KMT2C: variants seen among roughly 807,000 people sequenced by gnomAD.
KMT2C encodes the protein histone-lysine N-methyltransferase 2C.
Under a neutral mutation model 507.9 loss-of-function variants are expected in KMT2C, and 88 were observed. The ratio of observed to expected loss-of-function variants is 0.17; its 90% CI spans 0.15 to 0.21. KMT2C has a LOEUF of 0.21. KMT2C is among the 10% of genes least tolerant of loss of function. The probability of loss-of-function intolerance (pLI) is 1.00; values close to 1 mark genes in which losing one functional copy is unlikely to be tolerated. For missense variants in KMT2C, 4,954 were observed against 5,957.8 expected (o/e 0.83, Z 5.55); for synonymous variants, 2,049 against 2,080.8 (o/e 0.98, Z 0.42).
chr7:152,302,900 T>C (rs1003324267), intron 6 of KMT2C, among the ~76,000 whole-genome samples: 5 of 152,090 alleles, frequency 3.3e-5, no homozygotes, highest in African/African-American at 1.2e-4. Flanking sequence ...CGCCTCAGCC[T>C]CCCAAAGTGC....
chr7:152,157,903 A>G (rs2092176629), intron 44 of KMT2C: 2 of 1,337,316 alleles, frequency 1.5e-6, no homozygotes, highest in Non-Finnish European at 2.0e-6. Flanking sequence ...GATTGGTTCC[A>G]TTAGAGGGAG....
chr7:152,217,451 T>C (rs1193964063), intron 23 of KMT2C, among the ~76,000 whole-genome samples: 2 of 152,196 alleles, frequency 1.3e-5, no homozygotes, highest in African/African-American at 4.8e-5. Flanking sequence ...ATTTTATCCC[T>C]AGGAATGTAC....
chr7:152,426,517 G>A (rs1248753946), intron 1 of KMT2C, among the ~76,000 whole-genome samples: 1 of 152,078 alleles, frequency 6.6e-6, no homozygotes, highest in African/African-American at 2.4e-5. Context: ...GATTACAGGT[G>A]TGAGCCAACA....
chr7:152,417,952 A>T (rs1294255026), intron 1 of KMT2C, among the ~76,000 whole-genome samples: 18 of 82,170 alleles, frequency 2.2e-4, no homozygotes, highest in African/African-American at 5.5e-4. Context: ...TCTTTCTTTT[A>T]AAAAAAAAAA....
At chr7:152,187,556 C>G in intron 32 of KMT2C, 80 bp from the exon 33 acceptor site, 5 of 1,432,272 alleles carry the variant, frequency 3.5e-6, no homozygotes, top group Non-Finnish European at 4.8e-6. Flanking sequence ...TTCATTAAAA[C>G]CTATTACAAA....
intron 1 of KMT2C, among the ~76,000 whole-genome samples, chr7:152,425,739 G>A (rs746934405): frequency 9.2e-5 from 14 of 151,898 alleles, no homozygotes; most frequent in Non-Finnish European, 1.8e-4. Context: ...CCAAAGATCA[G>A]GAAATCAAGG....
chr7:152,243,166 A>G (rs2095415113), intron 14 of KMT2C, among the ~76,000 whole-genome samples: 1 of 152,242 alleles, frequency 6.6e-6, no homozygotes, highest in South Asian at 2.1e-4. Flanking sequence ...TCCTGTTTTG[A>G]TAACTACAGA....
In KMT2C at chr7:152,163,476, T is replaced by C; in HGVS notation, c.10101A>G (p.Pro3367=). The C allele has an allele frequency of 6.2e-7, 1 of 1,614,176 alleles. No individual in the cohort carries two copies. Among genetic ancestry groups the C allele is most frequent in the Non-Finnish European group, 8.5e-7 (1 of 1,180,016 alleles). The change falls in exon 43 of 59, where the codon CCA becomes CCG. Residue 3367 remains proline, a synonymous_variant. Transcript: ENST00000262189. ...GTGGATTTGCATTTGAGACTGTCCC[T>C]GGGGCTGGTGTACAAGTTTTTATTG... is the stretch of plus-strand genomic sequence containing the variant. ...QLPIKTCTPA[P]GTVSNANPQS...
chr7:152,319,813 GCTCTCC>G (rs908987490), intron 3 of KMT2C, among the ~76,000 whole-genome samples: 30 of 152,212 alleles, frequency 2.0e-4, no homozygotes, highest in African/African-American at 3.4e-4. Context: ...AATGGCATAA[GCTCTCC>G]CTCTCCCTCT....
chr7:152,222,092 T>TA, intron 21 of KMT2C, 26 bp from the exon 22 acceptor site: 1 of 1,534,362 alleles, frequency 6.5e-7, no homozygotes, highest in Non-Finnish European at 8.8e-7. Flanking sequence ...AAAATCCAGG[T>TA]AATTCTTTTC....
At chr7:152,263,805 T>C (rs1420701229) in intron 8 of KMT2C, among the ~76,000 whole-genome samples, 3 of 152,168 alleles carry the variant, frequency 2.0e-5, no homozygotes, top group Admixed American at 6.5e-5. Context: ...CCCCCAAAGA[T>C]TGGGCCCCTG....
At chr7:152,339,149 T>G (rs972955271) in intron 2 of KMT2C, among the ~76,000 whole-genome samples, 1 of 152,212 alleles carries the variant, frequency 6.6e-6, no homozygotes, top group African/African-American at 2.4e-5. Flanking sequence ...ATCAATACAT[T>G]AGTATATTCT....
intron 1 of KMT2C, among the ~76,000 whole-genome samples, chr7:152,418,768 A>T (rs1474831935): frequency 6.6e-6 from 1 of 152,122 alleles, no homozygotes; most frequent in Non-Finnish European, 1.5e-5. Flanking sequence ...ACCCTTCAAA[A>T]ATGTTATAAA....
In KMT2C at chr7:152,187,792, G is replaced by A; in HGVS notation, c.4716C>T (p.Leu1572=). Residue 1572 remains leucine, a synonymous_variant, in exon 32 of 59, where the codon CTC becomes CTT. Transcript: ENST00000262189. ...MNGLIGSSPH[L]PHNSLPPGSG... ...TTCCAGGTGGCAAAGAATTATGTGG[G>A]AGATGAGGACTGGATCCAATAAGGC... The A allele has an allele frequency of 6.8e-6, 11 of 1,614,012 alleles. No individual in the cohort carries two copies. Among genetic ancestry groups the A allele is most frequent in the Non-Finnish European group, 9.3e-6 (11 of 1,179,906 alleles).
intron 16 of KMT2C, among the ~76,000 whole-genome samples, chr7:152,233,736 T>C (rs1056992678): frequency 6.6e-6 from 1 of 152,222 alleles, no homozygotes; most frequent in Non-Finnish European, 1.5e-5. Flanking sequence ...ACTCCATTCC[T>C]TTAATTTGTC....
At chr7:152,316,208 A>T (rs911922605) in intron 3 of KMT2C, among the ~76,000 whole-genome samples, 3 of 152,136 alleles carry the variant, frequency 2.0e-5, no homozygotes, top group African/African-American at 7.2e-5. Flanking sequence ...AGGCCAGTGA[A>T]ACCATTTTAT....
chr7:152,362,672 A>T (rs2097206415), intron 1 of KMT2C, among the ~76,000 whole-genome samples: 1 of 152,036 alleles, frequency 6.6e-6, no homozygotes, highest in East Asian at 1.9e-4. Flanking sequence ...CTCTACTTTG[A>T]GTTTTTTCTC....
intron 16 of KMT2C, 137 bp downstream of exon 16, chr7:152,235,680 A>G (rs1221612311): frequency 7.6e-6 from 5 of 659,030 alleles, no homozygotes; most frequent in South Asian, 2.1e-5. Flanking sequence ...GAGGCTCAAA[A>G]AAAAAAGCAA....
intron 39 of KMT2C, 69 bp from the exon 40 acceptor site, chr7:152,171,411 G>A (rs2129108758): frequency 1.0e-6 from 1 of 1,003,808 alleles, no homozygotes; most frequent in Non-Finnish European, 1.5e-6. Context: ...ATTAAAAACT[G>A]TATTAGGTGC....
Sources: gnomAD v4.1 joint callset for allele counts (sites outside exome capture counted in the v4.1 genomes callset) on GRCh38, gnomAD v4.1.1 for gene constraint, MANE v1.5 for transcripts, NCBI Gene and HGNC (gene_info 2026-07-23, HGNC 2026-07-21) for gene names.